The following NDST4 variants were observed in gnomAD, a reference collection of about 807,000 sequenced individuals.
NDST4 encodes N-heparan sulfate sulfotransferase 4.
In NDST4, 63 loss-of-function variants were observed where a neutral mutation model predicts 100.8. The observed-to-expected ratio is 0.62, with a 90% CI of 0.51 to 0.77. The LOEUF is 0.77. Ranked by LOEUF, NDST4 falls within the 30% of genes least tolerant of loss-of-function variation. NDST4 has a pLI of 0.00. For missense variants in NDST4, 943 were observed against 1,018.4 expected (o/e 0.93, Z 1.01); for synonymous variants, 377 against 361.8 (o/e 1.04, Z -0.48).
Position 115,047,995 on chromosome 4 carries a change from T to C in NDST4, c.978+28064A>G, listed in dbSNP as rs181191210. ...AACTCTTACATGCAGTGTCGTTATTTGATAAGTATGGAAAAGCTATTTTGT... is the reference window on the plus strand; with the variant it reads ...AACTCTTACATGCAGTGTCGTTATTCGATAAGTATGGAAAAGCTATTTTGT... On this transcript the variant is annotated intron_variant, in intron 2 of 13. Coordinates refer to ENST00000264363, the MANE Select transcript of NDST4 (RefSeq NM_022569.3). Among the ~76,000 whole-genome samples the C allele has an allele frequency of 2.2e-3, 330 of 152,250 alleles. 2 individuals are homozygous for C. Among genetic ancestry groups the C allele is most frequent in the Admixed American group, 0.017 (264 of 15,278 alleles).
chr4:114,929,074 GTCCATCCATCCATCCA>G (rs1295994273), intron 6 of NDST4, among the ~76,000 whole-genome samples: 32 of 120,626 alleles, frequency 2.7e-4, no homozygotes, highest in African/African-American at 6.9e-4. Context: ...CCGTCCGTCC[GTCCATCCATCCATCCA>G]TCCATCCATC....
rs1057434862 is a variant in NDST4 at position 115,021,397 on chromosome 4, C to T, written c.979-44123G>A. On this transcript the variant is annotated intron_variant, in intron 2 of 13. Transcript: ENST00000264363. ...TATATATATTCCATATATATACATT[C>T]CATATAAATACATTCCACATACATT... 2.6e-5 allele frequency among the ~76,000 whole-genome samples: 4 copies of T among 151,294 alleles called. 1 individual carries two copies. The highest frequency in any genetic ancestry group is 4.9e-5 in the African/African-American group (2 of 41,106).
chr4:114,902,863 C>A (rs1724875260), intron 6 of NDST4, among the ~76,000 whole-genome samples: 2 of 152,062 alleles, frequency 1.3e-5, no homozygotes, highest in Non-Finnish European at 2.9e-5. Context: ...ATGAGCCCAT[C>A]AAGAGAATTC....
chr4:114,900,234 G>GT (rs1246437712), intron 6 of NDST4, among the ~76,000 whole-genome samples: 3 of 150,962 alleles, frequency 2.0e-5, no homozygotes, highest in Middle Eastern at 3.4e-3. Context: ...TTTTCTCAGC[G>GT]TAACTATAGG....
intron 2 of NDST4, among the ~76,000 whole-genome samples, chr4:115,035,786 A>G (rs1728219585): frequency 6.6e-6 from 1 of 152,062 alleles, no homozygotes; most frequent in African/African-American, 2.4e-5. Flanking sequence ...TATCCATCAC[A>G]TATGAGATAG....
intron 2 of NDST4, among the ~76,000 whole-genome samples, chr4:115,015,992 A>T (rs1727668883): frequency 6.6e-6 from 1 of 152,044 alleles, no homozygotes; most frequent in Non-Finnish European, 1.5e-5. Context: ...TGAAATAGAC[A>T]TTCTGGATAT....
At chr4:115,056,192 A>G (rs1728690328) in intron 2 of NDST4, among the ~76,000 whole-genome samples, 1 of 151,964 alleles carries the variant, frequency 6.6e-6, no homozygotes, top group Non-Finnish European at 1.5e-5. Context: ...TCTCTACAAA[A>G]GATATAAACA....
chr4:114,854,612 G>T (rs1723751736), intron 7 of NDST4, among the ~76,000 whole-genome samples: 1 of 152,078 alleles, frequency 6.6e-6, no homozygotes, highest in South Asian at 2.1e-4. Context: ...GGGACCACAG[G>T]CACGTGCCAC....
chr4:115,098,228 G>A (rs2126297122), intron 1 of NDST4, among the ~76,000 whole-genome samples: 1 of 152,246 alleles, frequency 6.6e-6, no homozygotes, highest in South Asian at 2.1e-4. Flanking sequence ...CAAGAAATTG[G>A]ATTGAAAAGG....
At chr4:115,016,822 A>G (rs1246427890) in intron 2 of NDST4, among the ~76,000 whole-genome samples, 1 of 152,046 alleles carries the variant, frequency 6.6e-6, no homozygotes, top group African/African-American at 2.4e-5. Flanking sequence ...GGGTCATCCC[A>G]CCAGGTAAAG....
intron 6 of NDST4, among the ~76,000 whole-genome samples, chr4:114,905,747 G>C (rs1724935975): frequency 6.6e-6 from 1 of 151,848 alleles, no homozygotes. Context: ...AGCACAGTTG[G>C]AATACTGTTC....
intron 2 of NDST4, among the ~76,000 whole-genome samples, chr4:115,031,889 G>A (rs552828001): frequency 6.6e-6 from 1 of 152,092 alleles, no homozygotes; most frequent in South Asian, 2.1e-4. Context: ...AAAGTCCCAT[G>A]GAACATTCTG....
At chr4:115,036,103 T>C (rs1842263) in intron 2 of NDST4, among the ~76,000 whole-genome samples, 82,493 of 151,576 alleles carry the variant, frequency 0.54, 23,912 homozygotes, top group Non-Finnish European at 0.66. Flanking sequence ...TAATAGGTAA[T>C]GTAGTAACAC....
chr4:114,991,585 A>C (rs901103224), intron 2 of NDST4, among the ~76,000 whole-genome samples: 4 of 152,062 alleles, frequency 2.6e-5, no homozygotes, highest in African/African-American at 9.7e-5. Context: ...TCCTGGAAAT[A>C]TCAGTTGTTA....
chr4:115,034,601 T>C (rs1728193195), intron 2 of NDST4, among the ~76,000 whole-genome samples: 2 of 152,132 alleles, frequency 1.3e-5, no homozygotes, highest in South Asian at 4.1e-4. Context: ...TATGTTTACC[T>C]TAATCTGGGA....
intron 6 of NDST4, among the ~76,000 whole-genome samples, chr4:114,914,305 T>C (rs1227225652): frequency 1.3e-5 from 2 of 152,106 alleles, no homozygotes; most frequent in Non-Finnish European, 2.9e-5. Context: ...TTATACATTT[T>C]AAAATAGCTA....
At chr4:114,910,664 AACTACAG>A (rs1257086755) in intron 6 of NDST4, among the ~76,000 whole-genome samples, 1 of 152,124 alleles carries the variant, frequency 6.6e-6, no homozygotes, top group Non-Finnish European at 1.5e-5. Flanking sequence ...GTAGCACTTG[AACTACAG>A]ACTCATCTAG....
intron 6 of NDST4, among the ~76,000 whole-genome samples, chr4:114,928,367 C>T (rs1042536551): frequency 4.6e-5 from 7 of 152,318 alleles, no homozygotes; most frequent in Admixed American, 3.3e-4. Context: ...ACTTTCTCAA[C>T]ATTAGTGAGG....
chr4:115,084,683 C>G (rs773681922), intron 1 of NDST4, among the ~76,000 whole-genome samples: 1 of 152,176 alleles, frequency 6.6e-6, no homozygotes, highest in Non-Finnish European at 1.5e-5. Flanking sequence ...AAGCCCCAAG[C>G]CTTGGTGGCT....
Sources: allele counts gnomAD v4.1 joint callset (sites outside exome capture counted in the v4.1 genomes callset), GRCh38; gene constraint gnomAD v4.1.1; transcripts MANE v1.5; gene names NCBI Gene and HGNC (gene_info 2026-07-23, HGNC 2026-07-21).